Variants in INTS9 observed in about 807,000 individuals in gnomAD.
INTS9 encodes integrator complex subunit 9, also known as protein related to CPSF subunits of 74 kDa.
A neutral mutation model predicts 79.7 loss-of-function variants in INTS9; 55 were observed. The ratio of observed to expected loss-of-function variants is 0.69; its 90% CI spans 0.56 to 0.86. INTS9 has a LOEUF of 0.86. Ranked by LOEUF, INTS9 falls within the 40% of genes least tolerant of loss-of-function variation. The probability of loss-of-function intolerance (pLI) is 0.00; values close to 1 mark genes in which losing one functional copy is unlikely to be tolerated. For missense variants in INTS9, 721 were observed against 831.5 expected, an observed-to-expected ratio of 0.87 and a Z score of 1.64; for synonymous variants, 319 against 325.2, an observed-to-expected ratio of 0.98 and a Z score of 0.20.
In INTS9 at chr8:28,863,020, A is replaced by G. The variant is rs141667086; in HGVS notation, c.10-3457T>C. On this transcript the variant is annotated intron_variant, in intron 1 of 16. Transcript: ENST00000521022. ...GTTGCTGGGAGGACTAAATGAATGG[A>G]TACACTGCCTGGTACACAGTAAGTG... 6.4e-4 allele frequency among the ~76,000 whole-genome samples: 98 copies of G among 152,324 alleles called. 1 individual carries two copies. The East Asian group carries it at 0.016, about 25-fold the overall frequency.
At chr8:28,869,399 T>C (rs1014856341) in intron 1 of INTS9, among the ~76,000 whole-genome samples, 2 of 152,164 alleles carry the variant, frequency 1.3e-5, no homozygotes, top group Non-Finnish European at 2.9e-5. Flanking sequence ...TTGTAAACTT[T>C]TCTCTTCTCC....
rs185290850 is a variant in INTS9, at chr8:28,801,148, T to C, written c.745-4493A>G. Among the ~76,000 whole-genome samples the C allele has an allele frequency of 2.5e-3, 376 of 152,138 alleles. 2 individuals carry two copies. The highest frequency in any genetic ancestry group is 8.3e-3 in the African/African-American group (346 of 41,526). ...GGGAAATTCAGGGGGAAGAAATCAT[T>C]ACAAAAAAACAAAACAAACCTACAT... On this transcript the variant is annotated intron_variant, in intron 8 of 16. Transcript: ENST00000521022.
At chr8:28,773,412 C>T (rs566114490) in intron 14 of INTS9, among the ~76,000 whole-genome samples, 64 of 141,298 alleles carry the variant, frequency 4.5e-4, no homozygotes, top group Middle Eastern at 3.7e-3. Flanking sequence ...TGCAGTGAGC[C>T]AAGATCGCGC....
Position 28,846,739 on chromosome 8 carries a change from A to C in INTS9, c.261+8T>G. On this transcript the variant is annotated splice_region_variant and intron_variant, in intron 4 of 16. Transcript: ENST00000521022. The stretch of plus-strand genomic sequence containing the variant: ...TTGTTTCTACAATAAGATTCACCTT[A>C]ATCTTACCTCTGGTAAACAGAATTC... 1.2e-6 allele frequency: 2 copies of C among 1,603,370 alleles called. No homozygotes were observed. Among genetic ancestry groups the C allele is most frequent in the South Asian group, 1.1e-5 (1 of 90,852 alleles).
intron 11 of INTS9, among the ~76,000 whole-genome samples, chr8:28,781,372 A>G (rs1803255236): frequency 6.6e-6 from 1 of 152,362 alleles, no homozygotes; most frequent in South Asian, 2.1e-4. Flanking sequence ...GCCAAAATCC[A>G]GAACACTCAC....
rs541134135 is a variant in INTS9, at chr8:28,774,746, TC to T, written c.1563+1012del. Among the ~76,000 whole-genome samples, 924 of 152,266 alleles carry T rather than the reference TC, an allele frequency of 6.1e-3. 5 individuals are homozygous for T. The highest frequency in any genetic ancestry group is 9.2e-3 in the Non-Finnish European group (623 of 68,004). On this transcript the variant is annotated intron_variant, in intron 14 of 16. Transcript: ENST00000521022. Reference sequence around the variant, plus strand: ...AACAATAAGTTTTTATATTTCTTTTTCCTGTCTGTTGAAAACACATTCAAGT... The same window carrying T: ...AACAATAAGTTTTTATATTTCTTTTTCTGTCTGTTGAAAACACATTCAAGT...
intron 2 of INTS9, among the ~76,000 whole-genome samples, chr8:28,857,514 G>GT (rs1311385928): frequency 1.3e-5 from 2 of 152,080 alleles, no homozygotes; most frequent in Non-Finnish European, 2.9e-5. Flanking sequence ...GTCAAAAATT[G>GT]TTTTTTAAAT....
At chr8:28,885,025 A>G (rs1026661043) in intron 1 of INTS9, among the ~76,000 whole-genome samples, 30 of 152,190 alleles carry the variant, frequency 2.0e-4, no homozygotes. Context: ...TGCCCCTTTC[A>G]AGCAATCTTC....
chr8:28,833,049 C>T (rs1806591195), intron 6 of INTS9, among the ~76,000 whole-genome samples: 1 of 152,102 alleles, frequency 6.6e-6, no homozygotes, highest in Non-Finnish European at 1.5e-5. Context: ...AGGTGCCTGG[C>T]ACACAAGTGT....
Position 28,777,755 on chromosome 8 carries a change from C to T in INTS9, c.1395+74G>A, listed in dbSNP as rs1169135585. On this transcript the variant is annotated intron_variant, in intron 13 of 16. Transcript: ENST00000521022. ...ATCAAACACAGCTAGATCTCTCTCC[C>T]CTCACCCCACACAAGCATGAGCCAC... is the stretch of plus-strand genomic sequence containing the variant. 2.0e-6 allele frequency: 3 copies of T among 1,488,260 alleles called. No individual in the cohort carries two copies. In the African/African-American group the frequency reaches 4.3e-5, roughly 21 times the overall value. The allele number at this position is 1,488,260 out of a possible 1,614,324, so 92.2% of individuals were successfully genotyped here.
At chr8:28,806,663 A>G (rs1434169973) in intron 8 of INTS9, among the ~76,000 whole-genome samples, 1 of 152,244 alleles carries the variant, frequency 6.6e-6, no homozygotes, top group Non-Finnish European at 1.5e-5. Flanking sequence ...TATGTTTATT[A>G]TAATGCAAAA....
At chr8:28,888,575 G>A (rs1810307986) in intron 1 of INTS9, among the ~76,000 whole-genome samples, 1 of 152,120 alleles carries the variant, frequency 6.6e-6, no homozygotes, top group Admixed American at 6.5e-5. Flanking sequence ...AATAACTTTG[G>A]TTTACTTTTC....
rs531477331 is a variant in INTS9, at chr8:28,776,101, G to A, written c.1396-175C>T. 252 of 478,490 alleles carry A rather than the reference G, an allele frequency of 5.3e-4. 1 individual carries two copies. The highest frequency in any genetic ancestry group is 4.7e-3 in the African/African-American group (235 of 49,538). 29.6% of individuals were successfully genotyped at this position (478,490 alleles called of 1,614,324 possible). ...CCGTAGACAGGAGAGGGAACGTGAA[G>A]GCACTGGGGCAGAAGAAACATCTCG... On this transcript the variant is annotated intron_variant, in intron 13 of 16. Transcript: ENST00000521022.
At chr8:28,817,295 G>A (rs1467305582) in intron 6 of INTS9, among the ~76,000 whole-genome samples, 5 of 150,902 alleles carry the variant, frequency 3.3e-5, no homozygotes, top group Non-Finnish European at 5.9e-5. Context: ...TAGGTCTAAC[G>A]TTTAAGTCTT....
chr8:28,777,898 T>C lies in INTS9; in HGVS notation c.1326A>G (p.Lys442=), dbSNP rs749058173. The C allele has an allele frequency of 3.8e-5, 61 of 1,612,612 alleles. No homozygotes were observed. The South Asian group carries it at 6.5e-4, about 17-fold the overall frequency. ...GGGTGTCGATGGGGCAGTAGATGCA[T>C]TTCATGGCCAGCGGCTGGTAAGGAG... The part of the protein sequence containing the change: ...ALAPYQPLAM[K]CIYCPIDTRL... Residue 442 remains lysine, a synonymous_variant, in exon 13 of 17, where the codon AAA becomes AAG. Transcript: ENST00000521022.
intron 1 of INTS9, among the ~76,000 whole-genome samples, chr8:28,888,524 T>G (rs1563324119): frequency 6.6e-6 from 1 of 152,252 alleles, no homozygotes; most frequent in Non-Finnish European, 1.5e-5. Flanking sequence ...CACTTCAGTC[T>G]GGGCCCCACA....
At position 28,853,073 on chromosome 8, in the gene INTS9, C is replaced by T. The variant is rs552093825; in HGVS notation, c.138-2800G>A. 2.0e-5 allele frequency among the ~76,000 whole-genome samples: 3 copies of T among 152,180 alleles called. No homozygotes were observed. The East Asian group carries it at 5.8e-4, about 29-fold the overall frequency. ...TTTTGTTTTTAATGATTACAAAGTTCGACTGTGTAAACTTTGTAAATGAGG... is the reference window on the plus strand; with the variant it reads ...TTTTGTTTTTAATGATTACAAAGTTTGACTGTGTAAACTTTGTAAATGAGG... On this transcript the variant is annotated intron_variant, in intron 2 of 16. Transcript: ENST00000521022.
intron 1 of INTS9, among the ~76,000 whole-genome samples, chr8:28,881,289 C>T (rs1214203624): frequency 1.1e-4 from 16 of 145,952 alleles, no homozygotes; most frequent in Admixed American, 3.3e-4. Flanking sequence ...CCGCCCAGTC[C>T]GGGAGGGAGG....
At chr8:28,878,484 A>AC (rs1300279070) in intron 1 of INTS9, among the ~76,000 whole-genome samples, 1 of 151,760 alleles carries the variant, frequency 6.6e-6, no homozygotes, top group East Asian at 1.9e-4. Context: ...AGCTAAAAAA[A>AC]AAAAAAAATT....
Sources: gnomAD v4.1 joint callset for allele counts (sites outside exome capture counted in the v4.1 genomes callset) on GRCh38, gnomAD v4.1.1 for gene constraint, MANE v1.5 for transcripts, NCBI Gene and HGNC (gene_info 2026-07-23, HGNC 2026-07-21) for gene names.